Variants in UNC5D observed in about 807,000 individuals in gnomAD.
UNC5D encodes the protein unc-5 netrin receptor D.
A neutral mutation model predicts 105.4 loss-of-function variants in UNC5D; 39 were observed. The observed-to-expected ratio is 0.37, with a 90% CI of 0.29 to 0.48. UNC5D has a LOEUF of 0.48. Among genes scored for constraint, UNC5D ranks in the 20% least tolerant of loss-of-function variants. The pLI, the probability that UNC5D is intolerant of heterozygous loss-of-function variation, is 0.98. For synonymous variants in UNC5D, 452 were observed against 450.4 expected, an observed-to-expected ratio of 1.00 and a Z score of -0.04; for missense variants, 991 against 1,202.4, an observed-to-expected ratio of 0.82 and a Z score of 2.60.
chr8:35,631,091 T>C (rs1453446822), intron 4 of UNC5D, among the ~76,000 whole-genome samples: 2 of 152,170 alleles, frequency 1.3e-5, no homozygotes, highest in East Asian at 3.9e-4. Flanking sequence ...ATAGGGCAGA[T>C]TGCCTGAGCT....
At chr8:35,615,812 A>G (rs990987483) in intron 4 of UNC5D, among the ~76,000 whole-genome samples, 2 of 152,182 alleles carry the variant, frequency 1.3e-5, no homozygotes, top group Non-Finnish European at 2.9e-5. Context: ...AAACTATGGT[A>G]GATATCTGGG....
chr8:35,381,730 T>A (rs2128932935), intron 1 of UNC5D, among the ~76,000 whole-genome samples: 1 of 152,338 alleles, frequency 6.6e-6, no homozygotes, highest in South Asian at 2.1e-4. Flanking sequence ...GCCACTGTGC[T>A]AACATGAAAT....
intron 1 of UNC5D, among the ~76,000 whole-genome samples, chr8:35,273,231 A>T (rs1387010326): frequency 6.6e-6 from 1 of 152,234 alleles, no homozygotes; most frequent in Non-Finnish European, 1.5e-5. Flanking sequence ...ACACAACACC[A>T]AATAAAACAG....
chr8:35,507,049 C>CTTTT (rs71215631), intron 1 of UNC5D, among the ~76,000 whole-genome samples: 298 of 76,186 alleles, frequency 3.9e-3, no homozygotes, highest in African/African-American at 6.9e-3. Context: ...CAGGGCTTTT[C>CTTTT]TTTTTTTTTT....
chr8:35,542,388 C>T (rs1815340594), intron 1 of UNC5D, among the ~76,000 whole-genome samples: 1 of 152,150 alleles, frequency 6.6e-6, no homozygotes, highest in Non-Finnish European at 1.5e-5. Context: ...CTATGGCTTT[C>T]TGCTCTGACT....
intron 1 of UNC5D, 111 bp downstream of exon 1, chr8:35,235,998 G>A (rs1490276688): frequency 2.0e-6 from 2 of 981,880 alleles, no homozygotes; most frequent in Non-Finnish European, 2.6e-6. Context: ...CCTGCACCTC[G>A]GCGCTCCAAG....
chr8:35,343,184 G>A (rs947498638), intron 1 of UNC5D, among the ~76,000 whole-genome samples: 1 of 151,968 alleles, frequency 6.6e-6, no homozygotes, highest in African/African-American at 2.4e-5. Flanking sequence ...ATTGTTTTTG[G>A]TGAGGATTCA....
At chr8:35,763,730 C>T (rs1688936996) in intron 14 of UNC5D, among the ~76,000 whole-genome samples, 1 of 152,074 alleles carries the variant, frequency 6.6e-6, no homozygotes, top group Non-Finnish European at 1.5e-5. Context: ...AGCAACCCTA[C>T]AAAAATTCAC....
At chr8:35,498,466 A>G (rs1460373408) in intron 1 of UNC5D, among the ~76,000 whole-genome samples, 1 of 152,184 alleles carries the variant, frequency 6.6e-6, no homozygotes, top group Non-Finnish European at 1.5e-5. Flanking sequence ...TCAATACAGG[A>G]AACATGCAAA....
At chr8:35,308,116 ATGTGTGTG>A (rs34132311) in intron 1 of UNC5D, among the ~76,000 whole-genome samples, 5 of 105,648 alleles carry the variant, frequency 4.7e-5, no homozygotes, top group African/African-American at 1.0e-4. Context: ...GTCACAATGT[ATGTGTGTG>A]TGTGTGTGTG....
chr8:35,352,381 G>A (rs1171849217), intron 1 of UNC5D, among the ~76,000 whole-genome samples: 4 of 151,906 alleles, frequency 2.6e-5, no homozygotes, highest in Admixed American at 6.6e-5. Context: ...CTCTTTACAA[G>A]ATTTTCATAA....
At chr8:35,595,194 T>C (rs1237278239) in intron 3 of UNC5D, among the ~76,000 whole-genome samples, 1 of 152,236 alleles carries the variant, frequency 6.6e-6, no homozygotes, top group African/African-American at 2.4e-5. Context: ...AACTGCATAA[T>C]AGCTGTGGAT....
At chr8:35,702,243 A>G (rs534652723) in intron 7 of UNC5D, among the ~76,000 whole-genome samples, 4 of 152,180 alleles carry the variant, frequency 2.6e-5, no homozygotes, top group Non-Finnish European at 5.9e-5. Context: ...CCCTTCTGGG[A>G]CCATTTATAT....
Position 35,641,366 on chromosome 8 carries a change from C to CAAAAAAAAAAAAAAAAAAAAAA in UNC5D, c.571-42162_571-42161insAAAAAAAAAAAAAAAAAAAAAA, listed in dbSNP as rs377021599. Among the ~76,000 whole-genome samples the CAAAAAAAAAAAAAAAAAAAAAA allele has an allele frequency of 7.8e-3, 345 of 44,188 alleles. 1 individual carries two copies. Among genetic ancestry groups the CAAAAAAAAAAAAAAAAAAAAAA allele is most frequent in the Middle Eastern group, 0.021 (1 of 48 alleles). 29.0% of individuals were successfully genotyped at this position (44,188 alleles called of 152,430 possible). On this transcript the variant is annotated intron_variant, in intron 4 of 16. Coordinates refer to ENST00000404895, the MANE Select transcript of UNC5D (RefSeq NM_080872.4). ...TGCCAAACAAGAAAAAAAAATAAAGCAAAAAAAAAAAAAAAAAAAGAAAAA... is the reference window on the plus strand; with the variant it reads ...TGCCAAACAAGAAAAAAAAATAAAGCAAAAAAAAAAAAAAAAAAAAAAAAAAAAAAAAAAAAAAAAAGAAAAA...
At chr8:35,564,917 A>G (rs1817224644) in intron 2 of UNC5D, among the ~76,000 whole-genome samples, 1 of 152,184 alleles carries the variant, frequency 6.6e-6, no homozygotes, top group Admixed American at 6.5e-5. Flanking sequence ...TTACTGCAAA[A>G]TACATGATTT....
chr8:35,740,275 G>A (rs1184413306), intron 11 of UNC5D, among the ~76,000 whole-genome samples: 1 of 152,156 alleles, frequency 6.6e-6, no homozygotes, highest in African/African-American at 2.4e-5. Context: ...AGATTATCCT[G>A]GACTCTCCAA....
At chr8:35,439,832 C>G (rs1807276747) in intron 1 of UNC5D, among the ~76,000 whole-genome samples, 1 of 151,988 alleles carries the variant, frequency 6.6e-6, no homozygotes, top group African/African-American at 2.4e-5. Context: ...ATGAAAAGCA[C>G]AGTTCCTGTG....
intron 11 of UNC5D, among the ~76,000 whole-genome samples, chr8:35,743,776 T>C (rs1239085854): frequency 6.6e-6 from 1 of 152,106 alleles, no homozygotes; most frequent in South Asian, 2.1e-4. Flanking sequence ...TATATATACA[T>C]ATATGTGCAT....
At chr8:35,371,581 T>A (rs983722237) in intron 1 of UNC5D, among the ~76,000 whole-genome samples, 2 of 152,106 alleles carry the variant, frequency 1.3e-5, no homozygotes, top group Non-Finnish European at 2.9e-5. Context: ...GAGGACCTAT[T>A]TTTTTCCTGA....
Sources: gnomAD v4.1 joint callset for allele counts (sites outside exome capture counted in the v4.1 genomes callset) on GRCh38, gnomAD v4.1.1 for gene constraint, MANE v1.5 for transcripts, NCBI Gene and HGNC (gene_info 2026-07-23, HGNC 2026-07-21) for gene names.